The following SMYD3 variants were observed in gnomAD, a reference collection of about 807,000 sequenced individuals.
SMYD3 encodes histone-lysine N-methyltransferase SMYD3.
Under a neutral mutation model 57.7 loss-of-function variants are expected in SMYD3, and 36 were observed. That is an observed-to-expected ratio of 0.62 (90% CI 0.48 to 0.82). The LOEUF is 0.82. Ranked by LOEUF, SMYD3 falls within the 40% of genes least tolerant of loss-of-function variation. SMYD3 has a pLI of 0.00. For synonymous variants in SMYD3, 211 were observed against 195.0 expected (o/e 1.08, Z -0.68); for missense variants, 515 against 538.8 (o/e 0.96, Z 0.44).
chr1:245,939,129 C>T (rs1363468506), intron 5 of SMYD3, among the ~76,000 whole-genome samples: 1 of 148,374 alleles, frequency 6.7e-6, no homozygotes, highest in East Asian at 2.0e-4. Context: ...GGCGACAGAG[C>T]GAGACTCCAT....
At chr1:246,066,963 G>A (rs1266022322) in intron 5 of SMYD3, among the ~76,000 whole-genome samples, 2 of 152,206 alleles carry the variant, frequency 1.3e-5, no homozygotes, top group African/African-American at 4.8e-5. Flanking sequence ...GGAGAGAGTG[G>A]CAGAATTCAG....
rs558521752 is a variant in SMYD3, at chr1:245,928,052, G to A, written c.600-19C>T. 6.3e-6 allele frequency: 10 copies of A among 1,595,160 alleles called. No individual in the cohort carries two copies. Among genetic ancestry groups the A allele is most frequent in the African/African-American group, 1.3e-5 (1 of 74,588 alleles). On this transcript the variant is annotated intron_variant, in intron 6 of 11. Transcript: ENST00000490107. ...AGAGATACTGGAAAAAAAAAGGGGGGAAGACTGTCACAGCTCAGCAGGTAG... is the reference window on the plus strand; with the variant it reads ...AGAGATACTGGAAAAAAAAAGGGGGAAAGACTGTCACAGCTCAGCAGGTAG...
At chr1:246,395,930 G>A (rs1293443261) in intron 1 of SMYD3, among the ~76,000 whole-genome samples, 1 of 152,206 alleles carries the variant, frequency 6.6e-6, no homozygotes, top group Non-Finnish European at 1.5e-5. Flanking sequence ...GCCTGCAGAC[G>A]TCAAGACACC....
chr1:245,896,791 C>T (rs2053834824), intron 8 of SMYD3, among the ~76,000 whole-genome samples: 1 of 152,176 alleles, frequency 6.6e-6, no homozygotes, highest in Non-Finnish European at 1.5e-5. Context: ...GCCTCAGCAT[C>T]ACCGGGGCGC....
chr1:246,300,129 G>A (rs948271870), intron 5 of SMYD3, among the ~76,000 whole-genome samples: 1 of 151,988 alleles, frequency 6.6e-6, no homozygotes. Context: ...ACTAAATAAA[G>A]ATATAAATGT....
At chr1:245,816,276 C>G (rs756730780) in intron 10 of SMYD3, among the ~76,000 whole-genome samples, 2 of 152,024 alleles carry the variant, frequency 1.3e-5, no homozygotes, top group Non-Finnish European at 2.9e-5. Context: ...AGCAAACTCC[C>G]CACAGAGAGT....
At chr1:246,070,667 T>C (rs2787968) in intron 5 of SMYD3, among the ~76,000 whole-genome samples, 127,548 of 152,172 alleles carry the variant, frequency 0.84, 53,651 homozygotes, top group Admixed American at 0.88. Context: ...ACAAAGTGAA[T>C]GGCGAGATAA....
At chr1:245,798,813 T>C (rs1209170130) in intron 10 of SMYD3, among the ~76,000 whole-genome samples, 2 of 152,108 alleles carry the variant, frequency 1.3e-5, no homozygotes, top group African/African-American at 2.4e-5. Flanking sequence ...ACCTATTTTC[T>C]TCTTCCTCCC....
At chr1:245,979,205 T>C (rs1015074308) in intron 5 of SMYD3, among the ~76,000 whole-genome samples, 26 of 152,132 alleles carry the variant, frequency 1.7e-4, no homozygotes, top group African/African-American at 6.3e-4. Context: ...AGGAGGGCAA[T>C]GGCAACAGAG....
intron 1 of SMYD3, among the ~76,000 whole-genome samples, chr1:246,459,944 C>CAAAG (rs1288546293): frequency 3.1e-5 from 4 of 128,052 alleles, no homozygotes; most frequent in Non-Finnish European, 5.0e-5. Context: ...AAAAAAGCCA[C>CAAAG]AAAGAAAGAA....
Position 245,936,224 on chromosome 1 carries a change from A to G in SMYD3, c.532-6287T>C, listed in dbSNP as rs771533032. ...TGTTGAAAAACAAGGGAAAATACAT[A>G]AAATGATAATTCTATAAATTTGTCT... On this transcript the variant is annotated intron_variant, in intron 5 of 11. Coordinates refer to ENST00000490107, the MANE Select transcript of SMYD3 (RefSeq NM_001167740.2). Among the ~76,000 whole-genome samples, 58 of 152,364 alleles carry G rather than the reference A, an allele frequency of 3.8e-4. 1 individual carries two copies. The highest frequency in any genetic ancestry group is 3.9e-4 in the Admixed American group (6 of 15,308).
At chr1:245,950,957 T>G (rs1384009424) in intron 5 of SMYD3, among the ~76,000 whole-genome samples, 2 of 152,338 alleles carry the variant, frequency 1.3e-5, no homozygotes, top group Admixed American at 1.3e-4. Flanking sequence ...TCATTCATCA[T>G]TAGCCTGACA....
intron 11 of SMYD3, among the ~76,000 whole-genome samples, chr1:245,755,536 A>C (rs931926263): frequency 6.6e-6 from 1 of 151,998 alleles, no homozygotes; most frequent in African/African-American, 2.4e-5. Flanking sequence ...CAGTTCTATC[A>C]GTTTTTGTTT....
chr1:246,241,251 TTA>T (rs2063602723), intron 5 of SMYD3, among the ~76,000 whole-genome samples: 1 of 152,212 alleles, frequency 6.6e-6, no homozygotes, highest in Admixed American at 6.5e-5. Context: ...TTCTTATTAT[TTA>T]GAGATACGTC....
chr1:246,257,128 A>G (rs915821176), intron 5 of SMYD3, among the ~76,000 whole-genome samples: 1 of 152,164 alleles, frequency 6.6e-6, no homozygotes, highest in Non-Finnish European at 1.5e-5. Context: ...AGAAGAATGT[A>G]TGTTCTGTGG....
intron 2 of SMYD3, 94 bp from the exon 3 acceptor site, chr1:246,335,568 T>G: frequency 1.1e-6 from 1 of 904,510 alleles, no homozygotes; most frequent in Admixed American, 2.1e-5. Flanking sequence ...ACATTAAATT[T>G]TAATAGTCCA....
intron 5 of SMYD3, among the ~76,000 whole-genome samples, chr1:246,109,612 C>T (rs2061195357): frequency 6.6e-6 from 1 of 152,196 alleles, no homozygotes; most frequent in Admixed American, 6.5e-5. Context: ...CATTAACCTG[C>T]ATTTAAAAAT....
At chr1:246,218,440 G>A (rs1444169051) in intron 5 of SMYD3, among the ~76,000 whole-genome samples, 3 of 152,012 alleles carry the variant, frequency 2.0e-5, no homozygotes, top group East Asian at 1.9e-4. Context: ...TGGCTAACAC[G>A]GTGAAACCCC....
intron 5 of SMYD3, among the ~76,000 whole-genome samples, chr1:246,198,569 C>G (rs1222902528): frequency 6.6e-6 from 1 of 152,086 alleles, no homozygotes; most frequent in Non-Finnish European, 1.5e-5. Flanking sequence ...CCAATGAATG[C>G]TTCTTAAATG....
Sources: gnomAD v4.1 joint callset for allele counts (sites outside exome capture counted in the v4.1 genomes callset) on GRCh38, gnomAD v4.1.1 for gene constraint, MANE v1.5 for transcripts, NCBI Gene and HGNC (gene_info 2026-07-23, HGNC 2026-07-21) for gene names.